The following RAB3C variants were observed in gnomAD, a reference collection of about 807,000 sequenced individuals.
RAB3C encodes the protein RAB3C, member RAS oncogene family, also known as ras-related protein Rab-3C.
A neutral mutation model predicts 26.4 loss-of-function variants in RAB3C; 17 were observed. That is an observed-to-expected ratio of 0.64 (90% CI 0.44 to 0.97). RAB3C has a LOEUF of 0.97. RAB3C is among the 50% of genes least tolerant of loss of function. The pLI, the probability that RAB3C is intolerant of heterozygous loss-of-function variation, is 0.00. For missense variants in RAB3C, 242 were observed against 281.9 expected (o/e 0.86, Z 1.01); for synonymous variants, 91 against 95.9 (o/e 0.95, Z 0.30).
intron 2 of RAB3C, among the ~76,000 whole-genome samples, chr5:58,643,427 G>A (rs1006524615): frequency 2.0e-5 from 3 of 152,016 alleles, no homozygotes; most frequent in South Asian, 2.1e-4. Context: ...GACACCTGTG[G>A]CATTTATTTT....
At chr5:58,595,652 T>C (rs1330260497) in intron 1 of RAB3C, among the ~76,000 whole-genome samples, 5 of 152,192 alleles carry the variant, frequency 3.3e-5, no homozygotes, top group African/African-American at 1.2e-4. Context: ...ACTCTAAATA[T>C]TCTAATTCTC....
intron 1 of RAB3C, among the ~76,000 whole-genome samples, chr5:58,616,308 ATTTCTAATTTTG>A (rs1746824578): frequency 6.6e-6 from 1 of 152,138 alleles, no homozygotes; most frequent in Admixed American, 6.6e-5. Flanking sequence ...GAGGAACTGA[ATTTCTAATTTTG>A]TTTCATGTTA....
At chr5:58,709,728 A>G (rs558931615) in intron 2 of RAB3C, among the ~76,000 whole-genome samples, 1 of 152,222 alleles carries the variant, frequency 6.6e-6, no homozygotes, top group South Asian at 2.1e-4. Context: ...CTCTGATTTC[A>G]TGTCCTCCAA....
intron 3 of RAB3C, among the ~76,000 whole-genome samples, chr5:58,787,381 T>C (rs186652913): frequency 6.6e-6 from 1 of 152,338 alleles, no homozygotes; most frequent in East Asian, 1.9e-4. Flanking sequence ...TCAAGAAATC[T>C]CTTGAGAAGA....
intron 1 of RAB3C, among the ~76,000 whole-genome samples, chr5:58,616,581 A>G (rs1746829548): frequency 6.6e-6 from 1 of 152,200 alleles, no homozygotes; most frequent in African/African-American, 2.4e-5. Context: ...AGCATTTGTA[A>G]TTGATTGTAG....
intron 2 of RAB3C, among the ~76,000 whole-genome samples, chr5:58,641,964 T>G (rs1185179981): frequency 6.6e-6 from 1 of 152,224 alleles, no homozygotes; most frequent in Non-Finnish European, 1.5e-5. Context: ...CACAGGCTCC[T>G]TGGGCACATA....
intron 3 of RAB3C, among the ~76,000 whole-genome samples, chr5:58,762,912 T>C (rs1186448459): frequency 6.6e-6 from 1 of 152,182 alleles, no homozygotes; most frequent in African/African-American, 2.4e-5. Context: ...TGAATATATG[T>C]TACAGAATTT....
intron 2 of RAB3C, among the ~76,000 whole-genome samples, chr5:58,683,151 C>A (rs1359444900): frequency 3.3e-5 from 5 of 152,042 alleles, no homozygotes; most frequent in Non-Finnish European, 5.9e-5. Context: ...ATTTTATGAC[C>A]CAAATATTGA....
intron 1 of RAB3C, among the ~76,000 whole-genome samples, chr5:58,609,863 G>A (rs1329280076): frequency 1.3e-5 from 2 of 152,088 alleles, no homozygotes; most frequent in Non-Finnish European, 2.9e-5. Flanking sequence ...AAACTTTCCA[G>A]CGTCTTGGCC....
rs537920689 is a variant in RAB3C, at chr5:58,809,584, C to T, written c.372-15454C>T. ...ATGAATGCAGATTTATGTGTCCCCA[C>T]CCATCAAGTTCACACGTTGAAGCCC... On this transcript the variant is annotated intron_variant, in intron 3 of 4. Transcript: ENST00000282878. 5.1e-4 allele frequency among the ~76,000 whole-genome samples: 78 copies of T among 152,282 alleles called. 1 individual carries two copies. The highest frequency in any genetic ancestry group is 4.8e-3 in the South Asian group (23 of 4,822).
intron 3 of RAB3C, among the ~76,000 whole-genome samples, chr5:58,766,371 C>A (rs1439937719): frequency 6.6e-6 from 1 of 152,066 alleles, no homozygotes; most frequent in African/African-American, 2.4e-5. Context: ...CCACCTCGGC[C>A]CCCCAAAGTG....
At chr5:58,637,004 G>T (rs1216809515) in intron 2 of RAB3C, among the ~76,000 whole-genome samples, 4 of 151,912 alleles carry the variant, frequency 2.6e-5, no homozygotes, top group African/African-American at 9.7e-5. Flanking sequence ...GTTATTTGTT[G>T]CTGTTGTTGT....
chr5:58,683,417 A>G (rs910018281), intron 2 of RAB3C, among the ~76,000 whole-genome samples: 3 of 152,088 alleles, frequency 2.0e-5, no homozygotes, highest in African/African-American at 7.2e-5. Flanking sequence ...TTGTACATGG[A>G]ACCAGTTATG....
At chr5:58,673,447 T>TACACAC (rs71604758) in intron 2 of RAB3C, among the ~76,000 whole-genome samples, 5,096 of 145,982 alleles carry the variant, frequency 0.035, 89 homozygotes, top group Non-Finnish European at 0.049. Context: ...GAACTAGTTA[T>TACACAC]ACACACACAC....
chr5:58,644,916 C>T (rs1403433260), intron 2 of RAB3C, among the ~76,000 whole-genome samples: 2 of 152,130 alleles, frequency 1.3e-5, no homozygotes, highest in African/African-American at 4.8e-5. Context: ...GTCCCTTAAG[C>T]AGTGCATTTA....
At chr5:58,790,547 C>T (rs1284192545) in intron 3 of RAB3C, among the ~76,000 whole-genome samples, 7 of 152,112 alleles carry the variant, frequency 4.6e-5, no homozygotes, top group African/African-American at 9.7e-5. Flanking sequence ...CACAGGGAAA[C>T]AAGGACCACT....
intron 1 of RAB3C, among the ~76,000 whole-genome samples, chr5:58,602,109 G>C (rs1279398199): frequency 1.3e-5 from 2 of 151,826 alleles, no homozygotes; most frequent in African/African-American, 4.8e-5. Flanking sequence ...TTTTGACCCA[G>C]TGTTCATTCA....
chr5:58,849,374 T>C (rs1020791345), intron 4 of RAB3C, among the ~76,000 whole-genome samples: 5 of 152,286 alleles, frequency 3.3e-5, no homozygotes, highest in Middle Eastern at 3.4e-3. Flanking sequence ...ACCACAAGCA[T>C]GCCAATAGTT....
At chr5:58,750,448 GC>G (rs1741498615) in intron 3 of RAB3C, among the ~76,000 whole-genome samples, 1 of 151,614 alleles carries the variant, frequency 6.6e-6, no homozygotes, top group Non-Finnish European at 1.5e-5. Context: ...CCTGGCCTTG[GC>G]CCATTTCTTT....
Sources: allele counts gnomAD v4.1 joint callset (sites outside exome capture counted in the v4.1 genomes callset), GRCh38; gene constraint gnomAD v4.1.1; transcripts MANE v1.5; gene names NCBI Gene and HGNC (gene_info 2026-07-23, HGNC 2026-07-21).